Variants in ALDH1A2 observed in about 807,000 individuals in gnomAD.
ALDH1A2 encodes aldehyde dehydrogenase 1 family member A2.
Under a neutral mutation model 60.3 loss-of-function variants are expected in ALDH1A2, and 27 were observed. The observed-to-expected ratio is 0.45, with a 90% CI of 0.33 to 0.62. ALDH1A2 has a LOEUF of 0.62. ALDH1A2 is among the 20% of genes least tolerant of loss of function. The pLI is 0.02. For synonymous variants in ALDH1A2, 289 were observed against 232.4 expected (o/e 1.24, Z -2.21); for missense variants, 581 against 643.8 (o/e 0.90, Z 1.06).
At chr15:58,057,275 C>G (rs1312364858) in intron 1 of ALDH1A2, among the ~76,000 whole-genome samples, 2 of 151,938 alleles carry the variant, frequency 1.3e-5, no homozygotes, top group African/African-American at 2.4e-5. Flanking sequence ...TGGATGAATA[C>G]TGAACATATG....
chr15:57,974,673 GA>G (rs1894187161), intron 7 of ALDH1A2, among the ~76,000 whole-genome samples: 1 of 151,778 alleles, frequency 6.6e-6, no homozygotes, highest in Non-Finnish European at 1.5e-5. Context: ...AAAATTTCTA[GA>G]AAAAAAGCAT....
intron 8 of ALDH1A2, 95 bp downstream of exon 8, chr15:57,965,630 A>G: frequency 6.2e-6 from 6 of 962,824 alleles, no homozygotes; most frequent in Non-Finnish European, 6.8e-6. Context: ...TTAGCTTCAA[A>G]TATCTTTTGC....
At chr15:57,970,814 C>CCAAA (rs1894039389) in intron 7 of ALDH1A2, among the ~76,000 whole-genome samples, 1 of 152,046 alleles carries the variant, frequency 6.6e-6, no homozygotes, top group Admixed American at 6.6e-5. Context: ...TTCATAAATC[C>CCAAA]CAAACAGATT....
intron 7 of ALDH1A2, among the ~76,000 whole-genome samples, chr15:57,977,011 C>T (rs867726013): frequency 1.6e-4 from 24 of 151,876 alleles, no homozygotes; most frequent in Non-Finnish European, 8.8e-5. Flanking sequence ...CTCTAGTGAC[C>T]AGTAATGATG....
chr15:57,965,955 T>C (rs1325393517), intron 7 of ALDH1A2, 128 bp from the exon 8 acceptor site: 3 of 728,738 alleles, frequency 4.1e-6, no homozygotes, highest in Non-Finnish European at 7.4e-6. Context: ...AACCCAGCTC[T>C]TGTCATCAGC....
rs1893430697 is a variant in ALDH1A2, at chr15:57,953,922, G to T, written c.*1275C>A. On this transcript the variant is annotated 3_prime_UTR_variant, in exon 13 of 13. Transcript: ENST00000249750. ...AAGCTAACACTTCCCACATCAAACT[G>T]GTGGAGTCACTGGAAAGCAGAAGAG... is the stretch of plus-strand genomic sequence containing the variant. The T allele has an allele frequency of 1.3e-5, 2 of 152,468 alleles. No individual in the cohort carries two copies. Among genetic ancestry groups the T allele is most frequent in the Non-Finnish European group, 2.9e-5 (2 of 68,084 alleles). 9.4% of individuals were successfully genotyped at this position (152,468 alleles called of 1,614,324 possible). A position where few individuals can be genotyped will look rare whatever the true frequency, so the allele number is the denominator to read the frequency against.
At chr15:57,985,151 C>G (rs957534204) in intron 7 of ALDH1A2, among the ~76,000 whole-genome samples, 1 of 152,150 alleles carries the variant, frequency 6.6e-6, no homozygotes, top group Admixed American at 6.6e-5. Flanking sequence ...ATTTCCAATG[C>G]CTTGATGTGC....
At chr15:57,972,465 G>A (rs899346107) in intron 7 of ALDH1A2, among the ~76,000 whole-genome samples, 13 of 152,156 alleles carry the variant, frequency 8.5e-5, no homozygotes, top group Non-Finnish European at 1.9e-4. Flanking sequence ...GAAAAAGCAT[G>A]GAGTAGTCAA....
At chr15:58,015,123 T>G (rs1895755009) in intron 1 of ALDH1A2, among the ~76,000 whole-genome samples, 1 of 152,198 alleles carries the variant, frequency 6.6e-6, no homozygotes, top group Non-Finnish European at 1.5e-5. Context: ...CCATGTAATC[T>G]TAGAGGACAT....
chr15:58,045,458 G>A (rs555790115), intron 1 of ALDH1A2, among the ~76,000 whole-genome samples: 8 of 151,980 alleles, frequency 5.3e-5, no homozygotes, highest in Non-Finnish European at 8.8e-5. Context: ...TGTTTATTGC[G>A]GCACTATTCA....
Position 57,955,334 on chromosome 15 carries a change from G to A in ALDH1A2, c.1485-65C>T, listed in dbSNP as rs926150161. On this transcript the variant is annotated intron_variant, in intron 12 of 12. Coordinates refer to ENST00000249750, the MANE Select transcript of ALDH1A2 (RefSeq NM_003888.4). ...CAGGGAGCTGCATGTGAGTGCAGCG[G>A]GAGTCCTGGGGAGGTGCAGTTTATC... The A allele has an allele frequency of 2.0e-6, 3 of 1,531,592 alleles. No individual in the cohort carries two copies. The African/African-American group carries it at 4.1e-5, about 21-fold the overall frequency. 94.9% of individuals were successfully genotyped at this position (1,531,592 alleles called of 1,614,324 possible).
intron 4 of ALDH1A2, among the ~76,000 whole-genome samples, chr15:58,002,539 T>A (rs758704742): frequency 6.6e-6 from 1 of 151,812 alleles, no homozygotes; most frequent in Non-Finnish European, 1.5e-5. Flanking sequence ...TAAACTAGAG[T>A]GAGTATGACT....
intron 1 of ALDH1A2, among the ~76,000 whole-genome samples, chr15:58,060,970 A>T (rs1165882358): frequency 1.3e-5 from 2 of 152,228 alleles, no homozygotes; most frequent in Non-Finnish European, 1.5e-5. Flanking sequence ...CAGAGAACTA[A>T]CTATGCATGA....
intron 1 of ALDH1A2, among the ~76,000 whole-genome samples, chr15:58,017,990 A>G (rs1339825831): frequency 6.6e-6 from 1 of 152,146 alleles, no homozygotes; most frequent in African/African-American, 2.4e-5. Flanking sequence ...GGAATAACAA[A>G]TATCTTCATG....
chr15:57,964,129 G>A (rs1893819959), intron 8 of ALDH1A2, 60 bp from the exon 9 acceptor site: 3 of 1,588,958 alleles, frequency 1.9e-6, no homozygotes, highest in Middle Eastern at 2.0e-4. Flanking sequence ...TGTCTATGAA[G>A]CCGCCTCCCT....
chr15:58,033,100 AT>A (rs1342647211), intron 1 of ALDH1A2, among the ~76,000 whole-genome samples: 13 of 152,000 alleles, frequency 8.6e-5, no homozygotes, highest in African/African-American at 3.1e-4. Flanking sequence ...TCATTGTTTG[AT>A]AGTAGCTTCG....
chr15:58,027,571 C>T (rs1896113962), intron 1 of ALDH1A2, among the ~76,000 whole-genome samples: 1 of 152,130 alleles, frequency 6.6e-6, no homozygotes, highest in Non-Finnish European at 1.5e-5. Context: ...CAGAAGTAGG[C>T]TTCAGAAGGT....
chr15:58,010,333 C>G (rs572339856), intron 4 of ALDH1A2, among the ~76,000 whole-genome samples: 1 of 152,184 alleles, frequency 6.6e-6, no homozygotes, highest in African/African-American at 2.4e-5. Flanking sequence ...TCCCTCCACC[C>G]AATAATGCCC....
At chr15:58,063,793 T>A (rs1897101842) in intron 1 of ALDH1A2, among the ~76,000 whole-genome samples, 1 of 152,184 alleles carries the variant, frequency 6.6e-6, no homozygotes, top group African/African-American at 2.4e-5. Context: ...TTATTTCATT[T>A]CTGATTGTTT....
Sources: gnomAD v4.1 joint callset for allele counts (sites outside exome capture counted in the v4.1 genomes callset) on GRCh38, gnomAD v4.1.1 for gene constraint, MANE v1.5 for transcripts, NCBI Gene and HGNC (gene_info 2026-07-23, HGNC 2026-07-21) for gene names.